NUCB2: variants seen among roughly 807,000 people sequenced by gnomAD.
NUCB2 encodes the protein nucleobindin 2.
NUCB2 carries 48 observed loss-of-function variants against 57.9 expected under a neutral mutation model. That is an observed-to-expected ratio of 0.83 (90% CI 0.66 to 1.05). The LOEUF (loss-of-function observed/expected upper bound fraction) is 1.05, where lower values mean the gene tolerates loss of function less well. Ranked by LOEUF, NUCB2 falls within the 50% of genes least tolerant of loss-of-function variation. The pLI is 0.00. For synonymous variants in NUCB2, 139 were observed against 152.1 expected (o/e 0.91, Z 0.64); for missense variants, 442 against 476.2 (o/e 0.93, Z 0.67).
chr11:17,309,331 T>C (rs1197824345), intron 5 of NUCB2, among the ~76,000 whole-genome samples: 1 of 151,416 alleles, frequency 6.6e-6, no homozygotes, highest in African/African-American at 2.4e-5. Context: ...AAAAAAAAAA[T>C]GAGAGAGAAT....
intron 4 of NUCB2, among the ~76,000 whole-genome samples, chr11:17,300,979 T>TC (rs1459818957): frequency 6.8e-6 from 1 of 147,294 alleles, no homozygotes; most frequent in Non-Finnish European, 1.5e-5. Flanking sequence ...TTTTTTTTTT[T>TC]TTTTTTTTTT....
intron 2 of NUCB2, 100 bp from the exon 3 acceptor site, chr11:17,295,224 C>A: frequency 9.4e-7 from 1 of 1,061,752 alleles, no homozygotes; most frequent in Non-Finnish European, 1.3e-6. Context: ...TTTATTAAAC[C>A]TCTTGAGATT....
intron 2 of NUCB2, among the ~76,000 whole-genome samples, chr11:17,346,830 T>C (rs1591658987): frequency 6.6e-6 from 1 of 152,310 alleles, no homozygotes; most frequent in East Asian, 1.9e-4. Flanking sequence ...TATCCTACTA[T>C]AAATTTTTTC....
chr11:17,321,598 T>C (rs1455452121), intron 11 of NUCB2, among the ~76,000 whole-genome samples: 1 of 152,202 alleles, frequency 6.6e-6, no homozygotes, highest in South Asian at 2.1e-4. Context: ...ACCAATTTCC[T>C]TTCTTTTGGG....
intron 2 of NUCB2, among the ~76,000 whole-genome samples, chr11:17,337,944 A>C (rs1269073604): frequency 1.3e-5 from 2 of 152,128 alleles, no homozygotes; most frequent in Non-Finnish European, 2.9e-5. Flanking sequence ...CTTTTCCTTG[A>C]TTTTTAAAAA....
At chr11:17,339,713 T>C (rs1952098139) in intron 2 of NUCB2, among the ~76,000 whole-genome samples, 1 of 142,626 alleles carries the variant, frequency 7.0e-6, no homozygotes, top group East Asian at 1.9e-4. Context: ...TAGTATTCCA[T>C]GGTGTATATG....
intron 2 of NUCB2, among the ~76,000 whole-genome samples, chr11:17,288,549 C>CTTT (rs752336919): frequency 1.5e-4 from 11 of 75,850 alleles, no homozygotes; most frequent in African/African-American, 6.2e-4. Flanking sequence ...TCTTCTTCTT[C>CTTT]TTCTTTTTTT....
intron 5 of NUCB2, among the ~76,000 whole-genome samples, chr11:17,306,676 G>T (rs1348465225): frequency 6.6e-6 from 1 of 152,178 alleles, no homozygotes; most frequent in Non-Finnish European, 1.5e-5. Context: ...CAGCACTTTG[G>T]GAGGCCGAGG....
downstream of NUCB2, among the ~76,000 whole-genome samples, chr11:17,335,306 G>A (rs1168124946): frequency 1.3e-5 from 2 of 152,028 alleles, no homozygotes; most frequent in Non-Finnish European, 2.9e-5. Flanking sequence ...TGGTTAAATC[G>A]AATTAATTGG....
intron 11 of NUCB2, among the ~76,000 whole-genome samples, chr11:17,321,017 G>T (rs1300323279): frequency 6.6e-6 from 1 of 151,924 alleles, no homozygotes; most frequent in Non-Finnish European, 1.5e-5. Flanking sequence ...TAGATATTTT[G>T]GTAGAGGCAT....
At chr11:17,326,260 A>G (rs954184788) in intron 11 of NUCB2, among the ~76,000 whole-genome samples, 7 of 150,228 alleles carry the variant, frequency 4.7e-5, no homozygotes, top group Non-Finnish European at 7.4e-5. Flanking sequence ...TCAGCCTCCC[A>G]AAGTGCTGGG....
intron 4 of NUCB2, 65 bp downstream of exon 4, chr11:17,296,276 T>C: frequency 7.8e-4 from 586 of 750,436 alleles, no homozygotes; most frequent in Non-Finnish European, 1.1e-3. Context: ...AGAGATGAGG[T>C]CTCACCATAT....
chr11:17,335,992 A>ACC (rs1181301554), downstream of NUCB2, among the ~76,000 whole-genome samples: 1 of 152,216 alleles, frequency 6.6e-6, no homozygotes, highest in Non-Finnish European at 1.5e-5. Flanking sequence ...ACATTTTATA[A>ACC]TATACTTAAG....
chr11:17,280,395 G>A (rs1194756958), intron 1 of NUCB2, among the ~76,000 whole-genome samples: 1 of 152,158 alleles, frequency 6.6e-6, no homozygotes, highest in African/African-American at 2.4e-5. Flanking sequence ...TATTTTATTT[G>A]AACCTCACTT....
chr11:17,321,032 T>C (rs1454610973), intron 11 of NUCB2, among the ~76,000 whole-genome samples: 1 of 151,872 alleles, frequency 6.6e-6, no homozygotes, highest in Non-Finnish European at 1.5e-5. Flanking sequence ...AGGCATGTGA[T>C]GTGTAATAAT....
intron 11 of NUCB2, 79 bp downstream of exon 11, chr11:17,315,554 C>G (rs1476573017): frequency 6.4e-6 from 5 of 776,040 alleles, no homozygotes; most frequent in Admixed American, 2.4e-5. Context: ...CTTTTATTCC[C>G]CATTATGTTT....
intron 2 of NUCB2, among the ~76,000 whole-genome samples, chr11:17,287,672 CAAA>C (rs1158145912): frequency 6.1e-5 from 4 of 65,380 alleles, no homozygotes; most frequent in Non-Finnish European, 1.1e-4. Context: ...AACTCCACCT[CAAA>C]AAAAAAAAAA....
Position 17,282,254 on chromosome 11 carries a change from A to ATTT in NUCB2, c.-155-534_-155-533insTTT, listed in dbSNP as rs1289280941. 7.1e-3 allele frequency among the ~76,000 whole-genome samples: 764 copies of ATTT among 107,756 alleles called. 12 individuals are homozygous for ATTT. Among genetic ancestry groups the ATTT allele is most frequent in the African/African-American group, 0.03 (709 of 23,740 alleles). The allele number at this position is 107,756 out of a possible 152,430, so 70.7% of individuals were successfully genotyped here. A position where few individuals can be genotyped will look rare whatever the true frequency, so the allele number is the denominator to read the frequency against. ...TATCTATCTATATATATATATATAT[A>ATTT]TATATTTTTTTTTTTTTTTCCCAAG... On this transcript the variant is annotated intron_variant, in intron 1 of 13. Transcript: ENST00000529010.
chr11:17,331,139 GA>G, intron 13 of NUCB2, 156 bp downstream of exon 13: 1 of 631,624 alleles, frequency 1.6e-6, no homozygotes, highest in Non-Finnish European at 2.6e-6. Flanking sequence ...ATAGAAAAAT[GA>G]AAATGCCTCC....
Sources: gnomAD v4.1 joint callset for allele counts (sites outside exome capture counted in the v4.1 genomes callset) on GRCh38, gnomAD v4.1.1 for gene constraint, MANE v1.5 for transcripts, NCBI Gene and HGNC (gene_info 2026-07-23, HGNC 2026-07-21) for gene names.